Variants in MIS18BP1 observed in about 807,000 individuals in gnomAD.
MIS18BP1 encodes MIS18 binding protein 1.
In MIS18BP1, 72 loss-of-function variants were observed where a neutral mutation model predicts 116.1. The ratio of observed to expected loss-of-function variants is 0.62; its 90% confidence interval spans 0.51 to 0.75. MIS18BP1 has a LOEUF of 0.75. MIS18BP1 is among the 30% of genes least tolerant of loss of function. The pLI, the probability that MIS18BP1 is intolerant of heterozygous loss-of-function variation, is 0.00. For missense variants in MIS18BP1, 1,363 were observed against 1,303.2 expected, an observed-to-expected ratio of 1.05 and a Z score of -0.71; for synonymous variants, 386 against 427.0, an observed-to-expected ratio of 0.90 and a Z score of 1.18.
intron 2 of MIS18BP1, among the ~76,000 whole-genome samples, chr14:45,245,914 A>G (rs1231686920): frequency 2.6e-5 from 4 of 152,230 alleles, no homozygotes; most frequent in East Asian, 1.9e-4. Context: ...CAAAATTAAC[A>G]TAACAAAATC....
chr14:45,210,492 TATCATC>T lies in MIS18BP1; in HGVS notation c.3034_3039del (p.Asp1012_Asp1013del), dbSNP rs746552850. ...GGATTTTTGTCCATATTTGGCAGAA[TATCATC>T]ATCATCTTCACTGTCCTGGAAACTT... On this transcript the variant is annotated inframe_deletion, in exon 14 of 17. Coordinates refer to ENST00000310806, the MANE Select transcript of MIS18BP1 (RefSeq NM_018353.5). The T allele has an allele frequency of 1.1e-5, 17 of 1,613,922 alleles. No homozygotes were observed. The South Asian group carries it at 1.9e-4, about 18-fold the overall frequency.
chr14:45,240,069 TG>T (rs1441649046), intron 4 of MIS18BP1, among the ~76,000 whole-genome samples: 1 of 152,100 alleles, frequency 6.6e-6, no homozygotes, highest in Non-Finnish European at 1.5e-5. Flanking sequence ...CAACTGCACA[TG>T]AGTGTGGAGT....
chr14:45,228,361 C>T (rs751343136), intron 8 of MIS18BP1, among the ~76,000 whole-genome samples: 1 of 152,146 alleles, frequency 6.6e-6, no homozygotes, highest in African/African-American at 2.4e-5. Flanking sequence ...TGTTTTGGAT[C>T]TCCTTTGTCA....
At chr14:45,228,947 TTCA>T (rs1474027522) in intron 8 of MIS18BP1, among the ~76,000 whole-genome samples, 2 of 152,188 alleles carry the variant, frequency 1.3e-5, no homozygotes, top group Non-Finnish European at 2.9e-5. Flanking sequence ...TTTTGTTTTT[TTCA>T]TGCAAAGTGC....
intron 13 of MIS18BP1, among the ~76,000 whole-genome samples, chr14:45,213,927 T>C (rs1890743245): frequency 6.6e-6 from 1 of 152,244 alleles, no homozygotes; most frequent in Non-Finnish European, 1.5e-5. Flanking sequence ...CAGAATGTGC[T>C]TTGCTAAAAA....
At chr14:45,244,744 A>G (rs537287555) in intron 2 of MIS18BP1, among the ~76,000 whole-genome samples, 1 of 152,308 alleles carries the variant, frequency 6.6e-6, no homozygotes, top group African/African-American at 2.4e-5. Context: ...TCAAACTTCA[A>G]TACCTGTTTT....
At position 45,224,051 on chromosome 14, in the gene MIS18BP1, A is replaced by G; in HGVS notation, c.2536T>C (p.Ser846Pro). The change falls in exon 11 of 17, where the codon TCT becomes CCT. Residue 846 changes from serine (S) to proline (P), a missense_variant. Physicochemically the swap from Ser to Pro is moderately conservative, Grantham distance 74. Transcript: ENST00000310806. ...ATTGGAAACTCTTTCCTAACACCAG[A>G]CTTCTGAAGAGTTTCTTTGACGGAA... ...RPSVKETLQKSGVRKEFPITE... is the reference protein window; with the variant it reads ...RPSVKETLQKPGVRKEFPITE... The G allele has an allele frequency of 6.2e-7, 1 of 1,613,776 alleles. No homozygotes were observed. The highest frequency in any genetic ancestry group is 8.5e-7 in the Non-Finnish European group (1 of 1,179,946).
At position 45,242,450 on chromosome 14, in the gene MIS18BP1, T is replaced by C. The variant is rs1025546990; in HGVS notation, c.727A>G (p.Arg243Gly). The C allele has an allele frequency of 6.2e-7, 1 of 1,612,428 alleles. No homozygotes were observed. Among genetic ancestry groups the C allele is most frequent in the Non-Finnish European group, 8.5e-7 (1 of 1,179,694 alleles). ...AVEARNKTLT[R>G]AQLAKQIFHS... ...AAAATTTGTTTAGCCAACTGAGCTC[T>C]AGTTAATGTCTTGTTTCGGGCTTCT... Residue 243 changes from arginine (R) to glycine (G), a missense_variant, in exon 4 of 17, where the codon AGA becomes GGA. By Grantham distance (125) the Arg-to-Gly change is moderately radical. Transcript: ENST00000310806.
intron 4 of MIS18BP1, chr14:45,241,648 A>C: frequency 6.3e-6 from 1 of 158,682 alleles, no homozygotes; most frequent in East Asian, 1.9e-4. Flanking sequence ...AAAATTCTCA[A>C]ATCTTCAGAT....
intron 6 of MIS18BP1, among the ~76,000 whole-genome samples, chr14:45,235,104 G>T (rs572044829): frequency 1.3e-5 from 2 of 151,730 alleles, no homozygotes; most frequent in African/African-American, 2.4e-5. Context: ...TACTCGGGAG[G>T]CTGAGGCATG....
intron 14 of MIS18BP1, among the ~76,000 whole-genome samples, chr14:45,207,604 T>C (rs1890553744): frequency 2.0e-5 from 3 of 152,258 alleles, no homozygotes; most frequent in South Asian, 4.1e-4. Flanking sequence ...TGAGCCGAGA[T>C]TGTGCCACTG....
intron 9 of MIS18BP1, 129 bp from the exon 10 acceptor site, chr14:45,226,965 G>C (rs1271979234): frequency 1.4e-5 from 10 of 695,952 alleles, no homozygotes; most frequent in South Asian, 1.0e-4. Context: ...TTCATTAGTG[G>C]ACACATTCCG....
chr14:45,228,889 A>G (rs1891200330), intron 8 of MIS18BP1, among the ~76,000 whole-genome samples: 1 of 152,212 alleles, frequency 6.6e-6, no homozygotes. Flanking sequence ...TTAAATTAAC[A>G]TGGGTTGGTA....
chr14:45,223,479 A>C (rs1016351973), intron 11 of MIS18BP1, among the ~76,000 whole-genome samples: 1 of 152,236 alleles, frequency 6.6e-6, no homozygotes, highest in African/African-American at 2.4e-5. Flanking sequence ...CAGGAGGCTG[A>C]GGCAGGAGAA....
Position 45,204,197 on chromosome 14 carries a change from G to C in MIS18BP1, c.3311C>G (p.Ser1104Cys), listed in dbSNP as rs754157744. Reference protein sequence around the residue: ...TPFNTDLGENSGIGKLFTNAV... With the variant: ...TPFNTDLGENCGIGKLFTNAV... ...ATTAGTGAAAAGTTTTCCAATACCA[G>C]AGTTTTCTCCTAAGTCTGTAAAGAG... is the stretch of plus-strand genomic sequence containing the variant. The change falls in exon 17 of 17, where the codon TCT (serine) becomes TGT (cysteine). Residue 1104 changes from serine to cysteine, a missense_variant. Coordinates refer to ENST00000310806, the MANE Select transcript of MIS18BP1 (RefSeq NM_018353.5). 3 of 1,609,500 alleles carry C rather than the reference G, an allele frequency of 1.9e-6. No individual in the cohort carries two copies. The African/African-American group carries it at 4.0e-5, about 22-fold the overall frequency.
In MIS18BP1 at chr14:45,210,372, A is replaced by C. The variant is rs963565016; in HGVS notation, c.3152+8T>G. The C allele has an allele frequency of 1.2e-5, 20 of 1,612,296 alleles. No homozygotes were observed. The highest frequency in any genetic ancestry group is 1.6e-5 in the Non-Finnish European group (19 of 1,179,438). On this transcript the variant is annotated splice_region_variant and intron_variant, in intron 14 of 16. Coordinates refer to ENST00000310806, the MANE Select transcript of MIS18BP1 (RefSeq NM_018353.5). ...GAGAATTAACATATCATATGCATGA[A>C]TATTTACCTATTTATAGAACCTAGC...
chr14:45,221,568 T>C (rs1251388006), intron 11 of MIS18BP1, among the ~76,000 whole-genome samples: 1 of 152,272 alleles, frequency 6.6e-6, no homozygotes, highest in Non-Finnish European at 1.5e-5. Context: ...GAAATTTTCC[T>C]ATCTTTATTT....
intron 6 of MIS18BP1, among the ~76,000 whole-genome samples, chr14:45,235,426 A>C (rs1391810223): frequency 6.6e-6 from 1 of 151,108 alleles, no homozygotes; most frequent in Non-Finnish European, 1.5e-5. Flanking sequence ...CCCCGTCTCT[A>C]CTAAAAATAC....
chr14:45,247,293 A>G lies in MIS18BP1; in HGVS notation c.-7T>C, dbSNP rs1891750495. ...TCAAAGGTGTTGCAATCATCTTGACAAGAAAGTAGCAACCAAGTTCTTCTA... is the reference window on the plus strand; with the variant it reads ...TCAAAGGTGTTGCAATCATCTTGACGAGAAAGTAGCAACCAAGTTCTTCTA... On this transcript the variant is annotated 5_prime_UTR_variant, in exon 2 of 17. Transcript: ENST00000310806. 3 of 1,526,894 alleles carry G rather than the reference A, an allele frequency of 2.0e-6. No individual in the cohort carries two copies. Among genetic ancestry groups the G allele is most frequent in the Non-Finnish European group, 2.6e-6 (3 of 1,143,482 alleles). The allele number at this position is 1,526,894 out of a possible 1,614,324, so 94.6% of individuals were successfully genotyped here. A position where few individuals can be genotyped will look rare whatever the true frequency, so the allele number is the denominator to read the frequency against.
Sources: gnomAD v4.1 joint callset for allele counts (sites outside exome capture counted in the v4.1 genomes callset) on GRCh38, gnomAD v4.1.1 for gene constraint, MANE v1.5 for transcripts, NCBI Gene and HGNC (gene_info 2026-07-23, HGNC 2026-07-21) for gene names.